MYO18A: variants seen among roughly 807,000 people sequenced by gnomAD.
The protein encoded by MYO18A is unconventional myosin-XVIIIa.
In MYO18A, 78 loss-of-function variants were observed where a neutral mutation model predicts 235.8. The ratio of observed to expected loss-of-function variants is 0.33; its 90% CI spans 0.28 to 0.40. MYO18A has a LOEUF of 0.40. Among genes scored for constraint, MYO18A ranks in the 10% least tolerant of loss-of-function variants. The pLI is 1.00. For missense variants in MYO18A, 2,215 were observed against 2,699.3 expected (o/e 0.82, Z 3.98); for synonymous variants, 977 against 1,077.8 (o/e 0.91, Z 1.83).
At position 29,140,100 on chromosome 17, in the gene MYO18A, C is replaced by G. The variant is rs2067701457; in HGVS notation, c.1000-17847G>C. ...AGTGCCCCTCCAAAACTCCTGAAGTCATGAGTCAGGCCCAGGATGCCCTGC... is the reference window on the plus strand; with the variant it reads ...AGTGCCCCTCCAAAACTCCTGAAGTGATGAGTCAGGCCCAGGATGCCCTGC... On this transcript the variant is annotated intron_variant, in intron 2 of 41. Coordinates refer to ENST00000527372, the MANE Select transcript of MYO18A (RefSeq NM_078471.4). The surrounding 1 kb of genome is among the most constrained non-coding windows in gnomAD (Gnocchi z 4.2). Among the ~76,000 whole-genome samples, 1 of 152,176 alleles carries G rather than the reference C, an allele frequency of 6.6e-6. No individual in the cohort carries two copies.
At chr17:29,156,508 G>A (rs958646780) in intron 2 of MYO18A, among the ~76,000 whole-genome samples, 8 of 152,330 alleles carry the variant, frequency 5.3e-5, no homozygotes, top group Admixed American at 4.6e-4. Context: ...GATGGGACAC[G>A]CTAAGGTCCT....
intron 19 of MYO18A, chr17:29,107,603 T>TAAAAAA (rs35996808): frequency 1.9e-5 from 2 of 102,840 alleles, no homozygotes; most frequent in Non-Finnish European, 3.8e-5. Flanking sequence ...CTTATGGTCT[T>TAAAAAA]AAAAAAAAAA....
Position 29,120,941 on chromosome 17 carries a change from C to T in MYO18A, c.1585+57G>A, listed in dbSNP as rs542035556. On this transcript the variant is annotated intron_variant, in intron 6 of 41. Coordinates refer to ENST00000527372, the MANE Select transcript of MYO18A (RefSeq NM_078471.4). This position sits in a 1 kb window ranked among gnomAD's most constrained non-coding sequence, Gnocchi z 4.2. ...GAGCTGGCACTTAAGAGGGTGCTCT[C>T]TCCTCACTCCCCTCCCCTCACCCCA... 3 of 1,571,430 alleles carry T rather than the reference C, an allele frequency of 1.9e-6. No homozygotes were observed. The highest frequency in any genetic ancestry group is 1.8e-5 in the Admixed American group (1 of 54,858).
chr17:29,090,655 T>C, intron 35 of MYO18A, 40 bp from the exon 36 acceptor site: 1 of 1,584,528 alleles, frequency 6.3e-7, no homozygotes, highest in South Asian at 1.1e-5. Context: ...GGATCCCCCA[T>C]AAGCATTCAA....
chr17:29,161,560 C>G (rs1442461108), intron 2 of MYO18A, among the ~76,000 whole-genome samples: 1 of 151,880 alleles, frequency 6.6e-6, no homozygotes, highest in Admixed American at 6.6e-5. Context: ...CTGGCCAGCA[C>G]CTCTGGCTCT....
At chr17:29,097,473 T>C (rs962335061) in intron 26 of MYO18A, 123 bp from the exon 27 acceptor site, 1 of 1,314,286 alleles carries the variant, frequency 7.6e-7, no homozygotes, top group East Asian at 2.3e-5. Context: ...GAAAGCTCTC[T>C]GCAATGATGG....
chr17:29,128,465 G>A, intron 2 of MYO18A: 2 of 1,289,352 alleles, frequency 1.6e-6, no homozygotes, highest in Non-Finnish European at 2.0e-6. Context: ...GGCTCTCTGG[G>A]AAGTCTCTGG....
At chr17:29,089,280 T>TA (rs2066335131) in intron 37 of MYO18A, among the ~76,000 whole-genome samples, 1 of 148,038 alleles carries the variant, frequency 6.8e-6, no homozygotes, top group African/African-American at 2.5e-5. Context: ...AAATACAATT[T>TA]AAAAAAAGCA....
In MYO18A at chr17:29,129,000, A is replaced by G; in HGVS notation, c.1000-6747T>C. The G allele has an allele frequency of 2.4e-6, 3 of 1,246,496 alleles. No individual in the cohort carries two copies. The South Asian group carries it at 3.7e-5, about 16-fold the overall frequency. 77.2% of individuals were successfully genotyped at this position (1,246,496 alleles called of 1,614,324 possible). ...GGAGCATGGAGAGGTCAAACAGCCG[A>G]GTCCCACCTCCATTCCTACCACCAA... On this transcript the variant is annotated intron_variant, in intron 2 of 41. Coordinates refer to ENST00000527372, the MANE Select transcript of MYO18A (RefSeq NM_078471.4).
chr17:29,167,836 G>A (rs972260288), intron 1 of MYO18A, among the ~76,000 whole-genome samples: 4 of 152,124 alleles, frequency 2.6e-5, no homozygotes, highest in Admixed American at 2.6e-4. Context: ...TATCCCTAGA[G>A]TAGCACCCTT....
chr17:29,084,917 AAG>A (rs1171710715), intron 40 of MYO18A, among the ~76,000 whole-genome samples: 1 of 152,116 alleles, frequency 6.6e-6, no homozygotes, highest in Non-Finnish European at 1.5e-5. Context: ...AAAGCGGGAA[AAG>A]AGAGGGCTGG....
intron 20 of MYO18A, among the ~76,000 whole-genome samples, chr17:29,105,078 A>C (rs2066748349): frequency 6.7e-6 from 1 of 148,834 alleles, no homozygotes; most frequent in East Asian, 2.0e-4. Flanking sequence ...AGGCTGAGGC[A>C]GGAGAATCGT....
chr17:29,109,156 CA>C lies in MYO18A; in HGVS notation c.3331+701del, dbSNP rs113495215. On this transcript the variant is annotated intron_variant, in intron 19 of 41. Transcript: ENST00000527372. This position sits in a 1 kb window ranked among gnomAD's most constrained non-coding sequence, Gnocchi z 4.1. Reference sequence around the variant, plus strand: ...AACTCATAACTTCTCAGGCAAAAAACAAAAAAAAAACAAAAAAAACCCACCC... The same window carrying C: ...AACTCATAACTTCTCAGGCAAAAAACAAAAAAAAACAAAAAAAACCCACCC... Among the ~76,000 whole-genome samples, 27,563 of 144,570 alleles carry C rather than the reference CA, an allele frequency of 0.19. 4,036 individuals carry two copies. Among genetic ancestry groups the C allele is most frequent in the African/African-American group, 0.42 (16,829 of 40,050 alleles). The allele number at this position is 144,570 out of a possible 152,430, so 94.8% of individuals were successfully genotyped here. A position where few individuals can be genotyped will look rare whatever the true frequency, so the allele number is the denominator to read the frequency against.
At chr17:29,119,839 C>T (rs2067155817) in intron 7 of MYO18A, among the ~76,000 whole-genome samples, 3 of 152,076 alleles carry the variant, frequency 2.0e-5, no homozygotes, top group Non-Finnish European at 4.4e-5. Context: ...GCTGGGATTA[C>T]AGGCGTGAGC....
Position 29,118,076 on chromosome 17 carries a change from G to C in MYO18A, c.2007C>G (p.Ile669Met). 1 of 1,590,274 alleles carries C rather than the reference G, an allele frequency of 6.3e-7. No individual in the cohort carries two copies. Residue 669 changes from isoleucine to methionine, a missense_variant, in exon 10 of 42, where the codon ATC (isoleucine) becomes ATG (methionine). Transcript: ENST00000527372. This position sits in a 1 kb window ranked among gnomAD's most constrained non-coding sequence, Gnocchi z 4.2. ...TGGCTCCCGCAGCCCCCAGGTGGTA[G>C]ATGGCAGCCAGAATGAACCAGCAGG... ...QKACWFILAAIYHLGAAGATK... is the reference protein window; with the variant it reads ...QKACWFILAAMYHLGAAGATK...
chr17:29,138,003 C>T (rs2067645014), intron 2 of MYO18A, among the ~76,000 whole-genome samples: 1 of 152,174 alleles, frequency 6.6e-6, no homozygotes, highest in South Asian at 2.1e-4. Context: ...TACTGAGGGA[C>T]TGTCAAGCCT....
In MYO18A at chr17:29,118,027, G is replaced by A. The variant is rs1363338592; in HGVS notation, c.2038+18C>T. The A allele has an allele frequency of 2.6e-6, 4 of 1,568,314 alleles. No individual in the cohort carries two copies. Among genetic ancestry groups the A allele is most frequent in the Non-Finnish European group, 2.6e-6 (3 of 1,156,964 alleles). ...ACCCAGGGGACAGGCCAGCCTACTG[G>A]GACCCACTGCAGGTTACCTTTGGTG... On this transcript the variant is annotated intron_variant, in intron 10 of 41. Coordinates refer to ENST00000527372, the MANE Select transcript of MYO18A (RefSeq NM_078471.4). The surrounding 1 kb of genome is among the most constrained non-coding windows in gnomAD (Gnocchi z 4.2).
chr17:29,074,320 AAG>A lies in MYO18A; in HGVS notation c.*448_*449del, dbSNP rs2152703466. ...AAGTAGAAAGACAGCAGGCACCAAG[AAG>A]AGAGAGCCCCCACCCCACACGAGAG... On this transcript the variant is annotated 3_prime_UTR_variant, in exon 42 of 42. Transcript: ENST00000527372. This position sits in a 1 kb window ranked among gnomAD's most constrained non-coding sequence, Gnocchi z 4.4. 1.1e-6 allele frequency: 1 copy of A among 909,748 alleles called. No individual in the cohort carries two copies. Among genetic ancestry groups the A allele is most frequent in the Non-Finnish European group, 1.6e-6 (1 of 608,250 alleles). 56.4% of individuals were successfully genotyped at this position (909,748 alleles called of 1,614,324 possible). A position where few individuals can be genotyped will look rare whatever the true frequency, so the allele number is the denominator to read the frequency against.
chr17:29,130,912 A>T (rs923597038), intron 2 of MYO18A, among the ~76,000 whole-genome samples: 3 of 152,184 alleles, frequency 2.0e-5, no homozygotes, highest in Admixed American at 2.0e-4. Context: ...AAGAGACAGC[A>T]GCGACTACAG....
Sources: gnomAD v4.1 joint callset for allele counts (sites outside exome capture counted in the v4.1 genomes callset) on GRCh38, gnomAD v4.1.1 for gene constraint, Gnocchi (gnomAD v3.1) non-coding constraint, MANE v1.5 for transcripts, NCBI Gene and HGNC (gene_info 2026-07-23, HGNC 2026-07-21) for gene names.